Variants in NAV1 observed in about 807,000 individuals in gnomAD.
The protein encoded by NAV1 is pore membrane and/or filament interacting like protein 3.
In NAV1, 18 loss-of-function variants were observed where a neutral mutation model predicts 175.2. The ratio of observed to expected loss-of-function variants is 0.10; its 90% CI spans 0.07 to 0.15. The LOEUF (loss-of-function observed/expected upper bound fraction) is 0.15, where lower values mean the gene tolerates loss of function less well. Among genes scored for constraint, NAV1 ranks in the 10% least tolerant of loss-of-function variants. The pLI, the probability that NAV1 is intolerant of heterozygous loss-of-function variation, is 1.00. For missense variants in NAV1, 1,731 were observed against 2,436.6 expected (o/e 0.71, Z 6.10); for synonymous variants, 897 against 978.7 (o/e 0.92, Z 1.56).
At position 201,788,710 on chromosome 1, in the gene NAV1, CCCACCACTCCTA is replaced by C; in HGVS notation, c.3166+80_3166+91del. 2 of 1,438,748 alleles carry C rather than the reference CCCACCACTCCTA, an allele frequency of 1.4e-6. No homozygotes were observed. Among genetic ancestry groups the C allele is most frequent in the Non-Finnish European group, 1.9e-6 (2 of 1,053,420 alleles). 89.1% of individuals were successfully genotyped at this position (1,438,748 alleles called of 1,614,324 possible). A position where few individuals can be genotyped will look rare whatever the true frequency, so the allele number is the denominator to read the frequency against. On this transcript the variant is annotated intron_variant, in intron 10 of 29. Transcript: ENST00000367296. This position sits in a 1 kb window ranked among gnomAD's most constrained non-coding sequence, Gnocchi z 5.7. ...GGTCCCCTCACCCACCACCTCCACT[CCCACCACTCCTA>C]CCACCACACACATATATGATTCACA... is the stretch of plus-strand genomic sequence containing the variant.
intron 2 of NAV1, among the ~76,000 whole-genome samples, chr1:201,590,074 G>A (rs1335057550): frequency 1.3e-5 from 2 of 152,034 alleles, no homozygotes; most frequent in Non-Finnish European, 2.9e-5. Context: ...TGTATTTTTA[G>A]TGGAGATGGG....
In NAV1 at chr1:201,786,581, A is replaced by G; in HGVS notation, c.2995+4A>G. On this transcript the variant is annotated splice_donor_region_variant and intron_variant, in intron 9 of 29. Coordinates refer to ENST00000367296, the Ensembl canonical transcript of NAV1. ...AAGGGCCAACTTACCAACATAGGTT[A>G]GTGTTTTCAGTCACTCACTGTGGCA... The G allele has an allele frequency of 6.2e-7, 1 of 1,611,532 alleles. No individual in the cohort carries two copies. Among genetic ancestry groups the G allele is most frequent in the Non-Finnish European group, 8.5e-7 (1 of 1,178,838 alleles).
chr1:201,793,909 T>G (rs1677270925), intron 14 of NAV1, 34 bp downstream of exon 18: 3 of 516,354 alleles, frequency 5.8e-6, no homozygotes, highest in African/African-American at 2.0e-5. Context: ...GAGGGGTGGG[T>G]GCGGCGAGGG....
chr1:201,790,867 A>T, intron 13 of NAV1, 101 bp downstream of exon 17: 1 of 1,131,596 alleles, frequency 8.8e-7, no homozygotes, highest in Non-Finnish European at 1.3e-6. Flanking sequence ...TATCCCCTGG[A>T]CTGAGACGTC....
chr1:201,715,422 A>C (rs1672098311), intron 2 of NAV1, among the ~76,000 whole-genome samples: 1 of 152,160 alleles, frequency 6.6e-6, no homozygotes, highest in Non-Finnish European at 1.5e-5. Flanking sequence ...GGCCACCCAA[A>C]GTGCTGGGAT....
chr1:201,630,924 T>C (rs1203320222), intron 2 of NAV1, among the ~76,000 whole-genome samples: 1 of 152,190 alleles, frequency 6.6e-6, no homozygotes, highest in East Asian at 1.9e-4. Flanking sequence ...TCGTTCACGA[T>C]TATTATCCGA....
Position 201,740,059 on chromosome 1 carries a change from G to A in NAV1, c.1226+21304G>A, listed in dbSNP as rs1673307679. The A allele has an allele frequency of 3.3e-6, 5 of 1,502,204 alleles. No individual in the cohort carries two copies. The highest frequency in any genetic ancestry group is 3.4e-4 in the Middle Eastern group (2 of 5,814). 93.1% of individuals were successfully genotyped at this position (1,502,204 alleles called of 1,614,324 possible). A position where few individuals can be genotyped will look rare whatever the true frequency, so the allele number is the denominator to read the frequency against. On this transcript the variant is annotated intron_variant, in intron 3 of 29. Transcript: ENST00000367296. This position sits in a 1 kb window ranked among gnomAD's most constrained non-coding sequence, Gnocchi z 4.7. ...TGCCCCTGCCCAGATCCGGAAGAAC[G>A]GTGAATTTCCCCCGCAGGTAAGCGC...
At chr1:201,573,326 C>CGT (rs149557758) in intron 1 of NAV1, among the ~76,000 whole-genome samples, 15,529 of 150,828 alleles carry the variant, frequency 0.1, 968 homozygotes, top group Admixed American at 0.14. Context: ...TGTGTGTATG[C>CGT]GTGTGTGTGT....
At chr1:201,774,099 G>T (rs553047474) in intron 3 of NAV1, among the ~76,000 whole-genome samples, 1 of 152,088 alleles carries the variant, frequency 6.6e-6, no homozygotes, top group Non-Finnish European at 1.5e-5. Flanking sequence ...TCACCTCCTC[G>T]TGAATTTAGG....
intron 29 of NAV1, 33 bp from the exon 34 acceptor site, chr1:201,819,804 C>T (rs768412953): frequency 1.3e-5 from 20 of 1,596,476 alleles, no homozygotes; most frequent in Non-Finnish European, 1.7e-5. Flanking sequence ...AGAGTCCCAA[C>T]TCTCATAAAT....
intron 1 of NAV1, among the ~76,000 whole-genome samples, chr1:201,582,450 A>G (rs1339726880): frequency 6.6e-6 from 1 of 152,206 alleles, no homozygotes; most frequent in African/African-American, 2.4e-5. Context: ...CTCCTGAGGT[A>G]GAGGGGAAGA....
intron 2 of NAV1, among the ~76,000 whole-genome samples, chr1:201,716,037 G>A (rs1225078889): frequency 6.6e-6 from 1 of 152,152 alleles, no homozygotes; most frequent in African/African-American, 2.4e-5. Context: ...GAGAGCTGTG[G>A]AATAGGGGAA....
At chr1:201,775,666 G>GTGAA (rs1675894942) in intron 3 of NAV1, among the ~76,000 whole-genome samples, 1 of 152,220 alleles carries the variant, frequency 6.6e-6, no homozygotes, top group South Asian at 2.1e-4. Context: ...AAATGAATGA[G>GTGAA]TGAATGAATG....
intron 2 of NAV1, among the ~76,000 whole-genome samples, chr1:201,603,549 G>A (rs1335208797): frequency 6.6e-6 from 1 of 152,152 alleles, no homozygotes; most frequent in African/African-American, 2.4e-5. Context: ...CCACATGCCT[G>A]CATTTTCTTT....
At position 201,808,940 on chromosome 1, in the gene NAV1, T is replaced by C. The variant is rs1337418667; in HGVS notation, c.4207+69T>C. On this transcript the variant is annotated intron_variant, in intron 20 of 29. Transcript: ENST00000367296. This position sits in a 1 kb window ranked among gnomAD's most constrained non-coding sequence, Gnocchi z 5.5. ...AGGGCTTATTTCACTGTTACACCAT[T>C]CCACTTGCTTTGGTCAGGGCGGTAA... 4 of 1,543,480 alleles carry C rather than the reference T, an allele frequency of 2.6e-6. No homozygotes were observed. Among genetic ancestry groups the C allele is most frequent in the Non-Finnish European group, 3.5e-6 (4 of 1,139,442 alleles).
intron 3 of NAV1, among the ~76,000 whole-genome samples, chr1:201,773,289 T>C (rs1675714752): frequency 6.6e-6 from 1 of 152,110 alleles, no homozygotes; most frequent in African/African-American, 2.4e-5. Flanking sequence ...CCTTAAGCAA[T>C]CCTCCCTCCT....
intron 29 of NAV1, among the ~76,000 whole-genome samples, chr1:201,818,643 CAA>C (rs1384689007): frequency 2.0e-5 from 3 of 151,556 alleles, no homozygotes; most frequent in South Asian, 4.2e-4. Context: ...CAAATTAAAA[CAA>C]GAGATACCAC....
At chr1:201,711,433 C>T (rs1044651135) in intron 1 of NAV1, among the ~76,000 whole-genome samples, 5 of 152,330 alleles carry the variant, frequency 3.3e-5, no homozygotes, top group East Asian at 1.9e-4. Context: ...GCCTGCCAGC[C>T]GGCCTGAGCT....
At chr1:201,749,732 C>T (rs1208605801) in intron 3 of NAV1, among the ~76,000 whole-genome samples, 1 of 152,104 alleles carries the variant, frequency 6.6e-6, no homozygotes, top group East Asian at 1.9e-4. Context: ...CCCAGTCTCT[C>T]CAGAAAAGAA....
Sources: allele counts gnomAD v4.1 joint callset (sites outside exome capture counted in the v4.1 genomes callset), GRCh38; gene constraint gnomAD v4.1.1; non-coding constraint Gnocchi (gnomAD v3.1); transcripts MANE v1.5; gene names NCBI Gene and HGNC (gene_info 2026-07-23, HGNC 2026-07-21).